The following PDE4DIP variants were observed in gnomAD, a reference collection of about 807,000 sequenced individuals.
PDE4DIP encodes the protein phosphodiesterase 4D interacting protein.
Under a neutral mutation model 221.4 loss-of-function variants are expected in PDE4DIP, and 59 were observed. That is an observed-to-expected ratio of 0.27 (90% confidence interval 0.22 to 0.33). The LOEUF (loss-of-function observed/expected upper bound fraction) is 0.33. Among genes scored for constraint, PDE4DIP ranks in the 10% least tolerant of loss-of-function variants. PDE4DIP has a pLI of 1.00. For missense variants in PDE4DIP, 1,036 were observed against 2,154.2 expected (o/e 0.48, Z 10.28); for synonymous variants, 404 against 815.9 (o/e 0.50, Z 8.60).
chr1:148,981,406 C>T lies in PDE4DIP; in HGVS notation c.2815+9C>T, dbSNP rs369525727. The T allele has an allele frequency of 6.8e-6, 11 of 1,613,838 alleles. No individual in the cohort carries two copies. Among genetic ancestry groups the T allele is most frequent in the Non-Finnish European group, 9.3e-6 (11 of 1,179,878 alleles). ...CCTGGCCGCCATTGGAGGTGGGGAACTGGAAAGTGTGCGAATTCATCACAA... is the reference window on the plus strand; with the variant it reads ...CCTGGCCGCCATTGGAGGTGGGGAATTGGAAAGTGTGCGAATTCATCACAA... On this transcript the variant is annotated intron_variant, in intron 21 of 43. Transcript: ENST00000369354.
At chr1:148,885,048 C>T (rs587682278), upstream of PDE4DIP, among the ~76,000 whole-genome samples, 1 of 147,678 alleles carries the variant, frequency 6.8e-6, no homozygotes, top group South Asian at 2.3e-4. Context: ...ATTTATTGAG[C>T]ACCAGCTATG....
At position 148,818,415 on chromosome 1, in the gene PDE4DIP, C is replaced by T. The variant is rs1553357785; in HGVS notation, c.233+9678C>T. On this transcript the variant is annotated intron_variant, in intron 1 of 45. Coordinates refer to the PDE4DIP transcript ENST00000524974. ...ACAGATCCTTCTTGATCTTAAGCTT[C>T]ATTATGGGGAACCCAAGCAACTTTT... Among the ~76,000 whole-genome samples, 2 of 83,460 alleles carry T rather than the reference C, an allele frequency of 2.4e-5. 1 individual carries two copies. Among genetic ancestry groups the T allele is most frequent in the Non-Finnish European group, 4.4e-5 (2 of 45,618 alleles). The allele number at this position is 83,460 out of a possible 152,430, so 54.8% of individuals were successfully genotyped here. A position where few individuals can be genotyped will look rare whatever the true frequency, so the allele number is the denominator to read the frequency against.
At chr1:148,822,614 C>T (rs1429743120) in intron 1 of PDE4DIP, among the ~76,000 whole-genome samples, 3 of 149,304 alleles carry the variant, frequency 2.0e-5, no homozygotes, top group African/African-American at 7.4e-5. Flanking sequence ...GACACTTTAA[C>T]CTCTTCATGA....
intron 5 of PDE4DIP, chr1:148,939,663 G>C (rs1402240364): frequency 6.6e-6 from 1 of 151,944 alleles, no homozygotes; most frequent in Non-Finnish European, 1.5e-5. Context: ...GAAATATGTG[G>C]AAATTTTCTT....
exon 27 of PDE4DIP, chr1:149,005,096 C>G: frequency 1.2e-6 from 2 of 1,613,378 alleles, no homozygotes; most frequent in Non-Finnish European, 1.7e-6. Context: ...GAAAGGACAT[C>G]AAAGATCTGA....
intron 1 of PDE4DIP, among the ~76,000 whole-genome samples, chr1:148,828,616 A>G (rs1671185306): frequency 6.6e-6 from 1 of 151,616 alleles, no homozygotes; most frequent in Non-Finnish European, 1.5e-5. Flanking sequence ...ATCTATGTTC[A>G]AATCAAGGAG....
intron 1 of PDE4DIP, among the ~76,000 whole-genome samples, chr1:148,902,718 A>T (rs1434421713): frequency 0.037 from 488 of 13,128 alleles, no homozygotes; most frequent in East Asian, 0.29. Context: ...GTATTCTATC[A>T]TATATATATA....
At chr1:149,025,735 G>C (rs1464604720) in intron 38 of PDE4DIP, 1 of 146,996 alleles carries the variant, frequency 6.8e-6, no homozygotes, top group Non-Finnish European at 1.5e-5. Flanking sequence ...TCTCCTGCCA[G>C]CTATTTCTGG....
At chr1:148,832,709 G>C (rs1481731940) in intron 1 of PDE4DIP, among the ~76,000 whole-genome samples, 7 of 151,790 alleles carry the variant, frequency 4.6e-5, no homozygotes, top group Non-Finnish European at 7.4e-5. Context: ...TTTTGTCACT[G>C]GTTCTGTTTA....
rs12239373 is a variant in PDE4DIP, at chr1:148,920,113, C to T, written c.142-9084C>T. ...GTATGCTGTCAAGATTTTTTAAAAA[C>T]TATTTATTTTTTTTTTGGTTTTTAT... is the stretch of plus-strand genomic sequence containing the variant. On this transcript the variant is annotated intron_variant, in intron 1 of 43. Transcript: ENST00000369354. 5.1e-3 allele frequency among the ~76,000 whole-genome samples: 721 copies of T among 141,656 alleles called. 9 individuals are homozygous for T. The highest frequency in any genetic ancestry group is 0.02 in the African/African-American group (686 of 33,806). The allele number at this position is 141,656 out of a possible 152,430, so 92.9% of individuals were successfully genotyped here.
chr1:148,918,622 T>C (rs1480943111), intron 1 of PDE4DIP, among the ~76,000 whole-genome samples: 3 of 92,238 alleles, frequency 3.3e-5, no homozygotes, highest in Non-Finnish European at 6.6e-5. Flanking sequence ...TCTCTCTCTC[T>C]ACACACACAC....
intron 14 of PDE4DIP, among the ~76,000 whole-genome samples, chr1:148,969,476 G>C (rs1216567820): frequency 6.6e-6 from 1 of 151,394 alleles, no homozygotes; most frequent in East Asian, 1.9e-4. Flanking sequence ...AGAGAAAGGA[G>C]TAGGGGTTGT....
At chr1:148,914,959 C>A (rs3121546) in intron 1 of PDE4DIP, among the ~76,000 whole-genome samples, 714 of 117,328 alleles carry the variant, frequency 6.1e-3, no homozygotes, top group African/African-American at 0.012. Flanking sequence ...CTAGGTGTTG[C>A]CTTTGAGAGG....
At chr1:149,007,029 T>C in intron 27 of PDE4DIP, 172 bp from the exon 31 acceptor site, 2 of 567,890 alleles carry the variant, frequency 3.5e-6, no homozygotes, top group Non-Finnish European at 6.3e-6. Flanking sequence ...TGCAATACTT[T>C]ATCAGGGTAG....
At chr1:148,922,828 C>G (rs1391376936) in intron 1 of PDE4DIP, among the ~76,000 whole-genome samples, 1 of 151,026 alleles carries the variant, frequency 6.6e-6, no homozygotes, top group Non-Finnish European at 1.5e-5. Context: ...CCTCGTGATC[C>G]GCCCGCCTCG....
At chr1:148,987,316 T>G (rs1183467977) in intron 21 of PDE4DIP, among the ~76,000 whole-genome samples, 1 of 152,174 alleles carries the variant, frequency 6.6e-6, no homozygotes, top group African/African-American at 2.4e-5. Flanking sequence ...TCTTAATAGT[T>G]TTCTTATGAT....
chr1:149,028,956 G>T (rs1305809053), intron 41 of PDE4DIP, among the ~76,000 whole-genome samples: 2 of 152,174 alleles, frequency 1.3e-5, no homozygotes, highest in Admixed American at 1.3e-4. Context: ...AGATGAAGGG[G>T]TGTGAAGAAG....
chr1:149,004,311 C>G (rs1193406325), intron 26 of PDE4DIP, among the ~76,000 whole-genome samples: 1 of 151,772 alleles, frequency 6.6e-6, no homozygotes, highest in South Asian at 2.1e-4. Context: ...AGAACAGTGC[C>G]TGGCATCTGG....
At chr1:149,022,060 A>C (rs1399706068) in intron 37 of PDE4DIP, among the ~76,000 whole-genome samples, 2 of 150,678 alleles carry the variant, frequency 1.3e-5, no homozygotes, top group Admixed American at 6.6e-5. Flanking sequence ...GGATGAGGGT[A>C]GAAATATAGG....
Sources: allele counts gnomAD v4.1 joint callset (sites outside exome capture counted in the v4.1 genomes callset), GRCh38; gene constraint gnomAD v4.1.1; transcripts MANE v1.5; gene names NCBI Gene and HGNC (gene_info 2026-07-23, HGNC 2026-07-21).